Variants in ITSN1 observed in about 807,000 individuals in gnomAD.
The protein encoded by ITSN1 is intersectin 1.
ITSN1 carries 58 observed loss-of-function variants against 239.8 expected under a neutral mutation model. The ratio of observed to expected loss-of-function variants is 0.24; its 90% CI spans 0.20 to 0.30. The LOEUF (loss-of-function observed/expected upper bound fraction) is 0.30, where lower values mean the gene tolerates loss of function less well. ITSN1 is among the 10% of genes least tolerant of loss of function. The pLI, the probability that ITSN1 is intolerant of heterozygous loss-of-function variation, is 1.00. For missense variants in ITSN1, 1,558 were observed against 2,103.3 expected (o/e 0.74, Z 5.07); for synonymous variants, 780 against 770.8 (o/e 1.01, Z -0.20).
At chr21:33,855,825 C>T (rs1979216336) in intron 29 of ITSN1, among the ~76,000 whole-genome samples, 2 of 152,250 alleles carry the variant, frequency 1.3e-5, no homozygotes, top group Admixed American at 6.5e-5. Context: ...CTCAGCTGCC[C>T]CAGGGGCCAG....
At chr21:33,839,705 A>C (rs2074758353) in intron 29 of ITSN1, among the ~76,000 whole-genome samples, 1 of 152,118 alleles carries the variant, frequency 6.6e-6, no homozygotes. Context: ...CAGATGCCCC[A>C]CGCCCTCACT....
intron 12 of ITSN1, among the ~76,000 whole-genome samples, chr21:33,773,099 T>TGGGTTCAA (rs1482143877): frequency 6.6e-6 from 1 of 151,354 alleles, no homozygotes; most frequent in Non-Finnish European, 1.5e-5. Flanking sequence ...CTCTGCCTCC[T>TGGGTTCAA]GGGTTCAAGC....
intron 1 of ITSN1, among the ~76,000 whole-genome samples, chr21:33,690,789 AC>A: frequency 1.0e-4 from 1 of 9,846 alleles, no homozygotes; most frequent in East Asian, 7.3e-4. Context: ...ATATATATAT[AC>A]ATATATATAT....
Position 33,883,530 on chromosome 21 carries a change from G to T in ITSN1, c.4555-20G>T. 6.2e-7 allele frequency: 1 copy of T among 1,611,996 alleles called. No homozygotes were observed. Reference sequence around the variant, plus strand: ...CAGACCCCCAGCCTCGCTTTGTAATGCCTGTGTGTTACTTTCCAGCCTATT... The same window carrying T: ...CAGACCCCCAGCCTCGCTTTGTAATTCCTGTGTGTTACTTTCCAGCCTATT... On this transcript the variant is annotated intron_variant, in intron 35 of 39. Coordinates refer to ENST00000381318, the MANE Select transcript of ITSN1 (RefSeq NM_003024.3).
chr21:33,853,516 G>A (rs1978727421), intron 29 of ITSN1, among the ~76,000 whole-genome samples: 1 of 152,194 alleles, frequency 6.6e-6, no homozygotes, highest in Non-Finnish European at 1.5e-5. Context: ...TGTAAAACTT[G>A]AAGACTCAGA....
intron 33 of ITSN1, among the ~76,000 whole-genome samples, chr21:33,874,389 C>T (rs899228140): frequency 6.6e-6 from 1 of 152,108 alleles, no homozygotes; most frequent in Non-Finnish European, 1.5e-5. Flanking sequence ...AGCCACCGCT[C>T]CTCTTATGCC....
chr21:33,655,422 AT>A (rs901411459), intron 1 of ITSN1, among the ~76,000 whole-genome samples: 5 of 148,488 alleles, frequency 3.4e-5, no homozygotes, highest in Admixed American at 6.8e-5. Context: ...CTGAAACAAG[AT>A]TTTTTTTTTG....
chr21:33,660,142 A>G (rs1179299956), intron 1 of ITSN1, among the ~76,000 whole-genome samples: 1 of 151,940 alleles, frequency 6.6e-6, no homozygotes, highest in African/African-American at 2.4e-5. Context: ...TCACTTTACT[A>G]CTTTGCTCTT....
At chr21:33,884,494 C>T (rs564099172) in intron 36 of ITSN1, among the ~76,000 whole-genome samples, 3 of 152,220 alleles carry the variant, frequency 2.0e-5, no homozygotes, top group Middle Eastern at 3.4e-3. Context: ...TGACACAAGG[C>T]CAGCATCATT....
chr21:33,708,262 T>G (rs2092310515), intron 1 of ITSN1, among the ~76,000 whole-genome samples: 1 of 152,092 alleles, frequency 6.6e-6, no homozygotes, highest in African/African-American at 2.4e-5. Context: ...AAGTACTTTT[T>G]CTAATGTATG....
intron 8 of ITSN1, among the ~76,000 whole-genome samples, chr21:33,757,887 C>CT (rs1022840293): frequency 2.2e-4 from 34 of 151,632 alleles, no homozygotes; most frequent in Non-Finnish European, 4.3e-4. Flanking sequence ...TCTTTTCTTT[C>CT]TTTTTTTGAA....
At chr21:33,810,930 C>T (rs1283992828) in intron 20 of ITSN1, 45 bp from the exon 21 acceptor site, 1 of 1,613,146 alleles carries the variant, frequency 6.2e-7, no homozygotes, top group Non-Finnish European at 8.5e-7. Flanking sequence ...TGGGTCTATT[C>T]AGGGGTTAAT....
intron 1 of ITSN1, among the ~76,000 whole-genome samples, chr21:33,716,105 G>A (rs1450386169): frequency 6.6e-6 from 1 of 152,144 alleles, no homozygotes; most frequent in Admixed American, 6.6e-5. Flanking sequence ...CAGTTATGGA[G>A]ATAACAGCAT....
chr21:33,751,948 A>G lies in ITSN1; in HGVS notation c.623+42A>G, dbSNP rs2834255. The G allele has an allele frequency of 0.83, 1,030,437 of 1,245,494 alleles. 427,457 individuals carry two copies. The highest frequency in any genetic ancestry group is 0.98 in the East Asian group (42,230 of 43,098). 77.2% of individuals were successfully genotyped at this position (1,245,494 alleles called of 1,614,324 possible). Reference sequence around the variant, plus strand: ...TTAAATGGGAAGTTTGGTTAAGGCCATTACCTGATTAAATCATAAATTTGA... The same window carrying G: ...TTAAATGGGAAGTTTGGTTAAGGCCGTTACCTGATTAAATCATAAATTTGA... On this transcript the variant is annotated intron_variant, in intron 7 of 39. Transcript: ENST00000381318.
chr21:33,749,648 AAAAAG>A (rs1261395464), intron 5 of ITSN1, among the ~76,000 whole-genome samples: 45 of 152,116 alleles, frequency 3.0e-4, no homozygotes, highest in African/African-American at 1.1e-3. Flanking sequence ...TCTCAAAAAA[AAAAAG>A]AAAAGAAAAA....
intron 1 of ITSN1, among the ~76,000 whole-genome samples, chr21:33,711,817 C>A (rs1364891320): frequency 6.6e-6 from 1 of 152,102 alleles, no homozygotes; most frequent in East Asian, 1.9e-4. Context: ...TACCCTCCCC[C>A]CAGAGACATT....
intron 21 of ITSN1, among the ~76,000 whole-genome samples, chr21:33,813,440 C>T (rs751386849): frequency 6.6e-6 from 1 of 152,044 alleles, no homozygotes; most frequent in Non-Finnish European, 1.5e-5. Flanking sequence ...GCAACCTCTG[C>T]CTCCGAGGTT....
At chr21:33,702,894 A>G (rs1178490717) in intron 1 of ITSN1, among the ~76,000 whole-genome samples, 4 of 152,302 alleles carry the variant, frequency 2.6e-5, no homozygotes, top group Admixed American at 6.5e-5. Flanking sequence ...CCTGGCCAAC[A>G]TGGTGAAACC....
chr21:33,834,554 A>ACCACCGAGAT, intron 28 of ITSN1, 130 bp downstream of exon 28: 1 of 683,042 alleles, frequency 1.5e-6, no homozygotes, highest in Non-Finnish European at 2.6e-6. Flanking sequence ...ACTTGCTGGG[A>ACCACCGAGAT]CTGACACCCA....
Sources: allele counts gnomAD v4.1 joint callset (sites outside exome capture counted in the v4.1 genomes callset), GRCh38; gene constraint gnomAD v4.1.1; transcripts MANE v1.5; gene names NCBI Gene and HGNC (gene_info 2026-07-23, HGNC 2026-07-21).